Variants in PCDH9 observed in about 807,000 individuals in gnomAD.
PCDH9 encodes protocadherin-9.
Under a neutral mutation model 70.6 loss-of-function variants are expected in PCDH9, and 24 were observed. The observed-to-expected ratio is 0.34, with a 90% CI of 0.25 to 0.48. The LOEUF is 0.48. Among genes scored for constraint, PCDH9 ranks in the 20% least tolerant of loss-of-function variants. The pLI is 0.99. For missense variants in PCDH9, 1,281 were observed against 1,503.6 expected (o/e 0.85, Z 2.45); for synonymous variants, 562 against 558.5 (o/e 1.01, Z -0.09).
intron 4 of PCDH9, among the ~76,000 whole-genome samples, chr13:66,460,037 G>A (rs1317641919): frequency 6.6e-6 from 1 of 151,960 alleles, no homozygotes; most frequent in African/African-American, 2.4e-5. Context: ...AATCTGTATG[G>A]TATCATTTGA....
chr13:66,911,503 A>T (rs1350255114), intron 2 of PCDH9, among the ~76,000 whole-genome samples: 2 of 152,156 alleles, frequency 1.3e-5, no homozygotes, highest in Non-Finnish European at 2.9e-5. Context: ...ACATTATGTC[A>T]CTTTTTCTTT....
At position 67,227,877 on chromosome 13, in the gene PCDH9, A is replaced by G. The variant is rs752308409; in HGVS notation, c.564T>C (p.Phe188=). 4.3e-6 allele frequency: 7 copies of G among 1,613,802 alleles called. No homozygotes were observed. The highest frequency in any genetic ancestry group is 5.1e-6 in the Non-Finnish European group (6 of 1,179,820). Residue 188 remains phenylalanine (F), a synonymous_variant, in exon 2 of 5, where the codon TTT becomes TTC. Transcript: ENST00000377865. The surrounding 1 kb of genome is among the most constrained non-coding windows in gnomAD (Gnocchi z 4.6). ...CTGGAGTTTCCACGATATCCAGTCC[A>G]AAAACACTCTGCCCATTTAACAATT... ...HYELLNGQSV[F]GLDIVETPEG...
At chr13:66,395,133 A>G (rs1412149024) in intron 4 of PCDH9, among the ~76,000 whole-genome samples, 1 of 152,236 alleles carries the variant, frequency 6.6e-6, no homozygotes, top group Non-Finnish European at 1.5e-5. Flanking sequence ...TCTAATGCCA[A>G]TGAAATGCTC....
At position 66,559,817 on chromosome 13, in the gene PCDH9, A is replaced by AAATAT. The variant is rs71677008; in HGVS notation, c.3340+71392_3340+71393insATATT. Among the ~76,000 whole-genome samples, 17 of 93,110 alleles carry AAATAT rather than the reference A, an allele frequency of 1.8e-4. 1 individual carries two copies. The highest frequency in any genetic ancestry group is 7.0e-4 in the African/African-American group (16 of 22,800). The allele number at this position is 93,110 out of a possible 152,430, so 61.1% of individuals were successfully genotyped here. ...TCCATCTCAAAAAAAAAAAAAAAAAAATATATATATATATATACACACACA... is the reference window on the plus strand; with the variant it reads ...TCCATCTCAAAAAAAAAAAAAAAAAAAATATATATATATATATATATACACACACA... On this transcript the variant is annotated intron_variant, in intron 4 of 4. Coordinates refer to ENST00000377865, the MANE Select transcript of PCDH9 (RefSeq NM_203487.3).
At chr13:66,730,794 T>C (rs1748125057) in intron 3 of PCDH9, among the ~76,000 whole-genome samples, 1 of 150,778 alleles carries the variant, frequency 6.6e-6, no homozygotes, top group Admixed American at 6.6e-5. Context: ...TCCTCCTGCC[T>C]CAGCCTCCTG....
chr13:66,904,833 TCA>T (rs1209024111), intron 2 of PCDH9, among the ~76,000 whole-genome samples: 3 of 152,194 alleles, frequency 2.0e-5, no homozygotes, highest in Non-Finnish European at 4.4e-5. Flanking sequence ...ATAAATTATC[TCA>T]TTTATTTTTA....
intron 4 of PCDH9, among the ~76,000 whole-genome samples, chr13:66,335,368 T>C (rs1219968692): frequency 6.6e-6 from 1 of 152,148 alleles, no homozygotes; most frequent in East Asian, 1.9e-4. Flanking sequence ...CTTAATAATA[T>C]TTAGGTATTT....
At chr13:66,908,856 T>C (rs1339275353) in intron 2 of PCDH9, among the ~76,000 whole-genome samples, 1 of 152,200 alleles carries the variant, frequency 6.6e-6, no homozygotes, top group Admixed American at 6.5e-5. Flanking sequence ...CAGTGACACA[T>C]ATTTTGATTT....
intron 2 of PCDH9, among the ~76,000 whole-genome samples, chr13:67,127,771 T>C (rs1479550188): frequency 1.3e-5 from 2 of 151,728 alleles, no homozygotes; most frequent in Non-Finnish European, 2.9e-5. Context: ...CCTTTTCTAA[T>C]TGCACTAGTG....
chr13:66,868,978 G>A (rs898423328), intron 3 of PCDH9, among the ~76,000 whole-genome samples: 3 of 152,130 alleles, frequency 2.0e-5, no homozygotes, highest in Non-Finnish European at 4.4e-5. Context: ...GTGTTATGCT[G>A]TGGGAGAAAA....
intron 3 of PCDH9, among the ~76,000 whole-genome samples, chr13:66,660,659 T>C (rs1462086552): frequency 6.6e-6 from 1 of 152,182 alleles, no homozygotes; most frequent in Non-Finnish European, 1.5e-5. Flanking sequence ...TCTAGCAACT[T>C]GTTATTTACA....
At chr13:67,127,576 G>A (rs2087007497) in intron 2 of PCDH9, among the ~76,000 whole-genome samples, 1 of 151,818 alleles carries the variant, frequency 6.6e-6, no homozygotes, top group African/African-American at 2.4e-5. Context: ...AAAGGCTTGT[G>A]TTGTGGGGAA....
At chr13:66,727,804 AT>A (rs943543445) in intron 3 of PCDH9, among the ~76,000 whole-genome samples, 10 of 151,994 alleles carry the variant, frequency 6.6e-5, no homozygotes, top group Non-Finnish European at 1.2e-4. Context: ...CCTATGTTTC[AT>A]TTTTTCCAGT....
chr13:66,991,527 T>G (rs1033553186), intron 2 of PCDH9, among the ~76,000 whole-genome samples: 3 of 152,146 alleles, frequency 2.0e-5, no homozygotes, highest in South Asian at 2.1e-4. Context: ...ATAATTTTGA[T>G]TTCTTTATAA....
chr13:66,353,507 C>T (rs756130285), intron 4 of PCDH9, among the ~76,000 whole-genome samples: 26 of 152,078 alleles, frequency 1.7e-4, no homozygotes, highest in Non-Finnish European at 1.8e-4. Flanking sequence ...AGATTTTTGA[C>T]TCAATTTTAG....
intron 2 of PCDH9, among the ~76,000 whole-genome samples, chr13:67,092,868 T>C (rs1419331669): frequency 6.6e-6 from 1 of 152,148 alleles, no homozygotes; most frequent in African/African-American, 2.4e-5. Context: ...GGCTTAAGCA[T>C]TTCCGAGGCC....
intron 4 of PCDH9, among the ~76,000 whole-genome samples, chr13:66,351,119 G>A (rs142916579): frequency 2.5e-4 from 38 of 152,044 alleles, no homozygotes; most frequent in Middle Eastern, 6.8e-3. Flanking sequence ...AACTTGCTCC[G>A]TGCCAGACAC....
At chr13:67,033,954 A>C (rs2139891421) in intron 2 of PCDH9, among the ~76,000 whole-genome samples, 1 of 152,218 alleles carries the variant, frequency 6.6e-6, no homozygotes, top group South Asian at 2.1e-4. Flanking sequence ...CACCGATGAA[A>C]CTTACAAACT....
intron 4 of PCDH9, among the ~76,000 whole-genome samples, chr13:66,356,624 G>A (rs2138184166): frequency 6.6e-6 from 1 of 152,096 alleles, no homozygotes. Flanking sequence ...CAAAAGGCAA[G>A]TGAAACAAAG....
Sources: allele counts gnomAD v4.1 joint callset (sites outside exome capture counted in the v4.1 genomes callset), GRCh38; gene constraint gnomAD v4.1.1; non-coding constraint Gnocchi (gnomAD v3.1); transcripts MANE v1.5; gene names NCBI Gene and HGNC (gene_info 2026-07-23, HGNC 2026-07-21).